Variants in EFNA5 observed in about 807,000 individuals in gnomAD.
EFNA5 encodes ephrin-A5.
A neutral mutation model predicts 22.9 loss-of-function variants in EFNA5; 5 were observed. That is an observed-to-expected ratio of 0.22 (90% CI 0.11 to 0.46). The LOEUF is 0.46. Ranked by LOEUF, EFNA5 falls within the 20% of genes least tolerant of loss-of-function variation. EFNA5 has a pLI of 0.99. For missense variants in EFNA5, 237 were observed against 293.3 expected (o/e 0.81, Z 1.40); for synonymous variants, 113 against 112.2 (o/e 1.01, Z -0.04).
intron 1 of EFNA5, among the ~76,000 whole-genome samples, chr5:107,559,754 T>C (rs1035506955): frequency 6.6e-6 from 1 of 152,168 alleles, no homozygotes; most frequent in Non-Finnish European, 1.5e-5. Context: ...GTAAAATTGC[T>C]GAAAGAAAAT....
chr5:107,661,143 A>G (rs1159034178), intron 1 of EFNA5, among the ~76,000 whole-genome samples: 1 of 130,664 alleles, frequency 7.7e-6, no homozygotes, highest in African/African-American at 2.6e-5. Flanking sequence ...AAGAAGAAGA[A>G]GAAAAAAAAA....
At chr5:107,535,870 G>A (rs1747920035) in intron 1 of EFNA5, among the ~76,000 whole-genome samples, 1 of 152,146 alleles carries the variant, frequency 6.6e-6, no homozygotes, top group Non-Finnish European at 1.5e-5. Flanking sequence ...TACTAACATG[G>A]TTTGTTTTAT....
In EFNA5 at chr5:107,422,589, G is replaced by A. The variant is rs139067374; in HGVS notation, c.418+4628C>T. On this transcript the variant is annotated intron_variant, in intron 2 of 4. Transcript: ENST00000333274. ...GGTAGAGGGACAATAAAGTCCCCAGGTCCCGATGTAGGAGTGTACTGGATA... is the reference window on the plus strand; with the variant it reads ...GGTAGAGGGACAATAAAGTCCCCAGATCCCGATGTAGGAGTGTACTGGATA... Among the ~76,000 whole-genome samples, 387 of 152,360 alleles carry A rather than the reference G, an allele frequency of 2.5e-3. 1 individual carries two copies. Among genetic ancestry groups the A allele is most frequent in the Non-Finnish European group, 4.4e-3 (299 of 68,036 alleles).
At chr5:107,421,609 T>C (rs1219730857) in intron 2 of EFNA5, among the ~76,000 whole-genome samples, 1 of 152,194 alleles carries the variant, frequency 6.6e-6, no homozygotes, top group Non-Finnish European at 1.5e-5. Context: ...TGCAGAAATA[T>C]GTTTAAAATT....
intron 1 of EFNA5, among the ~76,000 whole-genome samples, chr5:107,489,173 C>T (rs1375950337): frequency 1.3e-5 from 2 of 151,896 alleles, no homozygotes; most frequent in Admixed American, 6.6e-5. Flanking sequence ...TTGGACCAGA[C>T]AAAATTTGTT....
At chr5:107,504,878 T>C (rs1396658374) in intron 1 of EFNA5, among the ~76,000 whole-genome samples, 1 of 152,190 alleles carries the variant, frequency 6.6e-6, no homozygotes, top group Non-Finnish European at 1.5e-5. Context: ...TTCAAAAATA[T>C]AGCTATAACA....
rs976776256 is a variant in EFNA5, at chr5:107,387,249, G to A, written c.551C>T (p.Ser184Leu). The change falls in exon 4 of 5, where the codon TCA becomes TTA. Residue 184 changes from serine (S) to leucine (L), a missense_variant. Coordinates refer to ENST00000333274, the MANE Select transcript of EFNA5 (RefSeq NM_001962.3). ...VFDVNDKVEN[S>L]LEPADDTVHE... ...AGCATACTAACCTGCTGGTTCTAAT[G>A]AATTTTCTACTTTGTCGTTAACATC... is the stretch of plus-strand genomic sequence containing the variant. The A allele has an allele frequency of 6.2e-7, 1 of 1,604,388 alleles. No homozygotes were observed. Among genetic ancestry groups the A allele is most frequent in the Admixed American group, 1.7e-5 (1 of 59,700 alleles).
intron 1 of EFNA5, among the ~76,000 whole-genome samples, chr5:107,634,303 G>A (rs1035205413): frequency 6.6e-6 from 1 of 152,110 alleles, no homozygotes; most frequent in African/African-American, 2.4e-5. Context: ...TTTGCATAGA[G>A]GCTAGGAATT....
intron 1 of EFNA5, among the ~76,000 whole-genome samples, chr5:107,588,248 AACAGAGATAGAC>A (rs966179891): frequency 3.3e-5 from 5 of 152,070 alleles, no homozygotes; most frequent in Non-Finnish European, 7.4e-5. Flanking sequence ...AAAAAAAAGC[AACAGAGATAGAC>A]ACCAGGTCCA....
chr5:107,667,779 T>C (rs1462938025), intron 1 of EFNA5, among the ~76,000 whole-genome samples: 2 of 152,202 alleles, frequency 1.3e-5, no homozygotes, highest in Admixed American at 6.5e-5. Context: ...AGATAGGTTC[T>C]ATATAAAGAC....
intron 1 of EFNA5, among the ~76,000 whole-genome samples, chr5:107,662,932 G>A (rs1172782921): frequency 2.6e-5 from 4 of 151,762 alleles, no homozygotes; most frequent in Admixed American, 6.6e-5. Flanking sequence ...TATAAGCTTC[G>A]AGAAAAAAAT....
chr5:107,471,789 A>T (rs1048958293), intron 1 of EFNA5, among the ~76,000 whole-genome samples: 3 of 152,244 alleles, frequency 2.0e-5, no homozygotes, highest in African/African-American at 7.2e-5. Flanking sequence ...ATGGTAACTA[A>T]TGAAAAAAGA....
At chr5:107,519,784 G>A (rs1747557421) in intron 1 of EFNA5, among the ~76,000 whole-genome samples, 1 of 152,206 alleles carries the variant, frequency 6.6e-6, no homozygotes, top group East Asian at 1.9e-4. Context: ...TTAAAAATAA[G>A]TAATTTTAAG....
intron 1 of EFNA5, among the ~76,000 whole-genome samples, chr5:107,542,555 G>C (rs767703661): frequency 7.3e-5 from 11 of 151,496 alleles, no homozygotes; most frequent in African/African-American, 1.5e-4. Context: ...TGTGGTATAA[G>C]GGGGGGGTGC....
intron 1 of EFNA5, among the ~76,000 whole-genome samples, chr5:107,669,042 G>T (rs1034133455): frequency 6.6e-6 from 1 of 152,032 alleles, no homozygotes; most frequent in Non-Finnish European, 1.5e-5. Flanking sequence ...TTGGACTAGC[G>T]GGATAGGGGG....
chr5:107,420,702 C>T (rs375319274), intron 2 of EFNA5, among the ~76,000 whole-genome samples: 2 of 151,924 alleles, frequency 1.3e-5, no homozygotes, highest in East Asian at 3.8e-4. Context: ...AATTTATCTG[C>T]TTTTCTAAAA....
intron 1 of EFNA5, among the ~76,000 whole-genome samples, chr5:107,483,906 C>G (rs780872898): frequency 6.6e-6 from 1 of 152,158 alleles, no homozygotes; most frequent in African/African-American, 2.4e-5. Context: ...GGATTTGGAG[C>G]AGAGTTACTC....
At chr5:107,413,566 G>A (rs1395106232) in intron 2 of EFNA5, among the ~76,000 whole-genome samples, 2 of 152,044 alleles carry the variant, frequency 1.3e-5, no homozygotes, top group Non-Finnish European at 2.9e-5. Context: ...ATTTTCCTTC[G>A]AAACTGTTGG....
intron 1 of EFNA5, among the ~76,000 whole-genome samples, chr5:107,434,240 T>C (rs1749050677): frequency 6.6e-6 from 1 of 152,220 alleles, no homozygotes; most frequent in East Asian, 1.9e-4. Flanking sequence ...CCCTGTCTCT[T>C]GGTTCCTCTT....
Sources: gnomAD v4.1 joint callset for allele counts (sites outside exome capture counted in the v4.1 genomes callset) on GRCh38, gnomAD v4.1.1 for gene constraint, MANE v1.5 for transcripts, NCBI Gene and HGNC (gene_info 2026-07-23, HGNC 2026-07-21) for gene names.